The following PCDHGB1 variants were observed in gnomAD, a reference collection of about 807,000 sequenced individuals.
PCDHGB1 encodes the protein protocadherin gamma-B1.
In PCDHGB1, 34 loss-of-function variants were observed where a neutral mutation model predicts 56.6. That is an observed-to-expected ratio of 0.60 (90% CI 0.46 to 0.80). The LOEUF is 0.80. PCDHGB1 is among the 30% of genes least tolerant of loss of function. The probability of loss-of-function intolerance (pLI) is 0.00; values close to 1 mark genes in which losing one functional copy is unlikely to be tolerated. For missense variants in PCDHGB1, 1,278 were observed against 1,204.6 expected, an observed-to-expected ratio of 1.06 and a Z score of -0.90; for synonymous variants, 561 against 505.9, an observed-to-expected ratio of 1.11 and a Z score of -1.46.
chr5:141,494,832 G>T lies in PCDHGB1; in HGVS notation c.2435G>T (p.Arg812Leu). 1 of 1,614,066 alleles carries T rather than the reference G, an allele frequency of 6.2e-7. No homozygotes were observed. ...CAAGCCCCGCCCAACACGGACTGGCGTTTCTCTCAGGCCCAGAGACCCGGC... is the reference window on the plus strand; with the variant it reads ...CAAGCCCCGCCCAACACGGACTGGCTTTTCTCTCAGGCCCAGAGACCCGGC... The part of the protein sequence containing the change: ...SHQAPPNTDW[R>L]FSQAQRPGTS... The change falls in exon 2 of 4, where the codon CGT becomes CTT. Residue 812 changes from arginine to leucine, a missense_variant. Transcript: ENST00000523390.
In PCDHGB1 at chr5:141,489,406, A is replaced by T; in HGVS notation, c.2410-5401A>T. 6.2e-7 allele frequency: 1 copy of T among 1,614,166 alleles called. No individual in the cohort carries two copies. Among genetic ancestry groups the T allele is most frequent in the Non-Finnish European group, 8.5e-7 (1 of 1,180,028 alleles). Reference sequence around the variant, plus strand: ...TGTTGCTCAGGATCTGGGCTTAAAGATGACAGATCTGTTGAGCCGGCGGCT... The same window carrying T: ...TGTTGCTCAGGATCTGGGCTTAAAGTTGACAGATCTGTTGAGCCGGCGGCT... On this transcript the variant is annotated intron_variant, in intron 1 of 3. Coordinates refer to ENST00000523390, the MANE Select transcript of PCDHGB1 (RefSeq NM_018922.3). This position sits in a 1 kb window ranked among gnomAD's most constrained non-coding sequence, Gnocchi z 4.5.
At chr5:141,363,921 G>A (rs1014705709) in intron 1 of PCDHGB1, among the ~76,000 whole-genome samples, 20 of 152,132 alleles carry the variant, frequency 1.3e-4, no homozygotes, top group African/African-American at 4.3e-4. Flanking sequence ...TTTTTGTAAG[G>A]TATTGAGATC....
chr5:141,352,874 G>T (rs1015374463), intron 1 of PCDHGB1, among the ~76,000 whole-genome samples: 1 of 152,146 alleles, frequency 6.6e-6, no homozygotes, highest in Non-Finnish European at 1.5e-5. Context: ...TGTAGTCCCA[G>T]TTACTCAGGA....
intron 1 of PCDHGB1, chr5:141,374,379 G>C (rs1163047741): frequency 6.2e-7 from 1 of 1,614,042 alleles, no homozygotes; most frequent in Admixed American, 1.7e-5. Context: ...TGTGCTCAGA[G>C]CCCGCGGTGT....
chr5:141,419,999 C>T (rs369649545), intron 1 of PCDHGB1: 4 of 1,613,960 alleles, frequency 2.5e-6, no homozygotes, highest in Non-Finnish European at 3.4e-6. Flanking sequence ...TATTGCTCTA[C>T]GCCTGCGACA....
In PCDHGB1 at chr5:141,431,887, T is replaced by C; in HGVS notation, c.2410-62920T>C. The C allele has an allele frequency of 1.2e-6, 2 of 1,614,190 alleles. No individual in the cohort carries two copies. The highest frequency in any genetic ancestry group is 1.7e-6 in the Non-Finnish European group (2 of 1,179,996). ...TTTTAAATGTAAATGACCAAGATTCTGAGGAAAACGGACAGGTGATCTGTT... is the reference window on the plus strand; with the variant it reads ...TTTTAAATGTAAATGACCAAGATTCCGAGGAAAACGGACAGGTGATCTGTT... On this transcript the variant is annotated intron_variant, in intron 1 of 3. Coordinates refer to ENST00000523390, the MANE Select transcript of PCDHGB1 (RefSeq NM_018922.3). The surrounding 1 kb of genome is among the most constrained non-coding windows in gnomAD (Gnocchi z 4.8).
At chr5:141,508,440 T>C (rs2099868879) in intron 3 of PCDHGB1, among the ~76,000 whole-genome samples, 1 of 152,186 alleles carries the variant, frequency 6.6e-6, no homozygotes, top group African/African-American at 2.4e-5. Context: ...CACAGTTCCT[T>C]AGTGGCAGAG....
Position 141,432,014 on chromosome 5 carries a change from AACATC to A in PCDHGB1, c.2410-62789_2410-62785del. ...GGATAGGGAACAGGTTCCTAGCTAC[AACATC>A]ACAGTGACCGCCACTGACCGGGGAA... On this transcript the variant is annotated intron_variant, in intron 1 of 3. Transcript: ENST00000523390. This position sits in a 1 kb window ranked among gnomAD's most constrained non-coding sequence, Gnocchi z 6.0. 6.2e-7 allele frequency: 1 copy of A among 1,614,078 alleles called. No individual in the cohort carries two copies. The highest frequency in any genetic ancestry group is 8.5e-7 in the Non-Finnish European group (1 of 1,180,036).
chr5:141,421,188 C>T lies in PCDHGB1; in HGVS notation c.2409+68519C>T, dbSNP rs1364019876. 2.0e-6 allele frequency: 3 copies of T among 1,471,410 alleles called. No individual in the cohort carries two copies. The South Asian group carries it at 4.0e-5, about 20-fold the overall frequency. The allele number at this position is 1,471,410 out of a possible 1,614,324, so 91.1% of individuals were successfully genotyped here. A position where few individuals can be genotyped will look rare whatever the true frequency, so the allele number is the denominator to read the frequency against. The stretch of plus-strand genomic sequence containing the variant: ...GATACATAAGCCGATTCACAACCAA[C>T]CAGCTCGAGAAACCGCGGAATATCG... On this transcript the variant is annotated intron_variant, in intron 1 of 3. Coordinates refer to ENST00000523390, the MANE Select transcript of PCDHGB1 (RefSeq NM_018922.3).
Position 141,491,190 on chromosome 5 carries a change from C to A in PCDHGB1, c.2410-3617C>A, listed in dbSNP as rs759736855. On this transcript the variant is annotated intron_variant, in intron 1 of 3. Transcript: ENST00000523390. The surrounding 1 kb of genome is among the most constrained non-coding windows in gnomAD (Gnocchi z 6.9). ...AGCAGGTGGTGGTCCTGGTGAGGGA[C>A]AATGGTGACCCTTCACTCTCCTCCA... 1 of 1,614,192 alleles carries A rather than the reference C, an allele frequency of 6.2e-7. No homozygotes were observed. The highest frequency in any genetic ancestry group is 1.1e-5 in the South Asian group (1 of 91,082).
intron 3 of PCDHGB1, 73 bp from the exon 4 acceptor site, chr5:141,510,874 G>C: frequency 6.2e-7 from 1 of 1,610,126 alleles, no homozygotes; most frequent in Non-Finnish European, 8.5e-7. Context: ...TTCATTAACT[G>C]CTGGGGATAT....
At chr5:141,394,364 G>A (rs1293513120) in intron 1 of PCDHGB1, 1 of 1,614,186 alleles carries the variant, frequency 6.2e-7, no homozygotes. Flanking sequence ...TGTATGCGCT[G>A]CAATCTTTCG....
chr5:141,481,676 G>T (rs975849679), intron 1 of PCDHGB1, among the ~76,000 whole-genome samples: 1 of 152,028 alleles, frequency 6.6e-6, no homozygotes, highest in Non-Finnish European at 1.5e-5. Flanking sequence ...AAATCAGGCC[G>T]GGCCTGGTGG....
intron 1 of PCDHGB1, chr5:141,378,010 T>C (rs1476632072): frequency 6.6e-6 from 1 of 152,212 alleles, no homozygotes; most frequent in Non-Finnish European, 1.5e-5. Flanking sequence ...TCAAATAAGC[T>C]CTACTTATAT....
chr5:141,447,168 T>C (rs1027377060), intron 1 of PCDHGB1, among the ~76,000 whole-genome samples: 2 of 152,174 alleles, frequency 1.3e-5, no homozygotes, highest in Non-Finnish European at 2.9e-5. Context: ...AAGCGGGGTC[T>C]TGCTCTTGTC....
intron 1 of PCDHGB1, among the ~76,000 whole-genome samples, chr5:141,456,765 C>A (rs1468235444): frequency 2.0e-5 from 3 of 151,852 alleles, no homozygotes; most frequent in Non-Finnish European, 2.9e-5. Context: ...GAGTTTGAGA[C>A]CAGCCTGGCC....
At chr5:141,388,351 C>A in intron 1 of PCDHGB1, 1 of 1,614,016 alleles carries the variant, frequency 6.2e-7, no homozygotes. Flanking sequence ...ATATTAGGAT[C>A]TGCCCATGAT....
chr5:141,351,612 C>A lies in PCDHGB1; in HGVS notation c.1352C>A (p.Ala451Asp). Residue 451 changes from alanine to aspartate, a missense_variant, in exon 1 of 4, where the codon GCC becomes GAC. Physicochemically the swap from Ala to Asp is moderately radical, Grantham distance 126 (BLOSUM62 -2). Transcript: ENST00000523390. ...INDNAPVFHQ[A>D]SYVVHVSENN... ...GACAATGCACCTGTTTTCCATCAGG[C>A]CTCCTATGTGGTCCACGTGTCTGAG... The A allele has an allele frequency of 1.2e-6, 2 of 1,614,070 alleles. No individual in the cohort carries two copies. Among genetic ancestry groups the A allele is most frequent in the Non-Finnish European group, 1.7e-6 (2 of 1,179,902 alleles).
chr5:141,491,390 T>G lies in PCDHGB1; in HGVS notation c.2410-3417T>G. 1 of 1,614,130 alleles carries G rather than the reference T, an allele frequency of 6.2e-7. No individual in the cohort carries two copies. Among genetic ancestry groups the G allele is most frequent in the Admixed American group, 1.7e-5 (1 of 60,028 alleles). ...TTCACCTTTCTGTCAGCGAAGTGCC[T>G]TCAGGGAAACGCAGACGGGGACGGG... On this transcript the variant is annotated intron_variant, in intron 1 of 3. Transcript: ENST00000523390. The surrounding 1 kb of genome is among the most constrained non-coding windows in gnomAD (Gnocchi z 6.9).
Sources: allele counts gnomAD v4.1 joint callset (sites outside exome capture counted in the v4.1 genomes callset), GRCh38; gene constraint gnomAD v4.1.1; non-coding constraint Gnocchi (gnomAD v3.1); transcripts MANE v1.5; gene names NCBI Gene and HGNC (gene_info 2026-07-23, HGNC 2026-07-21).